Variants in DPP6 observed in about 807,000 individuals in gnomAD.
DPP6 encodes A-type potassium channel modulatory protein DPP6.
A neutral mutation model predicts 122.6 loss-of-function variants in DPP6; 69 were observed. The ratio of observed to expected loss-of-function variants is 0.56; its 90% CI spans 0.46 to 0.69. DPP6 has a LOEUF of 0.69. Among genes scored for constraint, DPP6 ranks in the 30% least tolerant of loss-of-function variants. The pLI is 0.00. For synonymous variants in DPP6, 418 were observed against 433.1 expected, an observed-to-expected ratio of 0.97 and a Z score of 0.43; for missense variants, 928 against 1,116.9, an observed-to-expected ratio of 0.83 and a Z score of 2.41.
intron 1 of DPP6, chr7:154,026,525 C>A (rs1158655851): frequency 2.0e-5 from 3 of 152,130 alleles, no homozygotes; most frequent in Non-Finnish European, 1.5e-5. Flanking sequence ...TAGCTCAAGC[C>A]TGGGCCTGGA....
intron 1 of DPP6, among the ~76,000 whole-genome samples, chr7:153,928,217 CT>C (rs562514728): frequency 0.03 from 4,206 of 141,120 alleles, 183 homozygotes; most frequent in African/African-American, 0.098. Context: ...TTCTTTTTTT[CT>C]TTTTTTTTTT....
At chr7:153,897,841 G>T (rs12672305) in intron 1 of DPP6, among the ~76,000 whole-genome samples, 1 of 151,998 alleles carries the variant, frequency 6.6e-6, no homozygotes, top group Non-Finnish European at 1.5e-5. Flanking sequence ...CACCAGCAGT[G>T]CACAAGTGTT....
rs528414842 is a variant in DPP6, at chr7:154,374,565, G to GT, written c.244-71639dup. Among the ~76,000 whole-genome samples the GT allele has an allele frequency of 6.4e-3, 940 of 147,188 alleles. 9 individuals are homozygous for GT. The highest frequency in any genetic ancestry group is 0.021 in the African/African-American group (836 of 40,344). The stretch of plus-strand genomic sequence containing the variant: ...TTGAGAGAATGGGCTGACATTATAG[G>GT]TTTTTTTTTTCTTTTCTGTTTATTT... On this transcript the variant is annotated intron_variant, in intron 1 of 25. Coordinates refer to ENST00000377770, the MANE Select transcript of DPP6 (RefSeq NM_130797.4).
chr7:154,892,440 T>A lies in DPP6; in HGVS notation c.2558T>A (p.Leu853Gln), dbSNP rs747902821. The A allele has an allele frequency of 6.2e-7, 1 of 1,614,022 alleles. No individual in the cohort carries two copies. Among genetic ancestry groups the A allele is most frequent in the South Asian group, 1.1e-5 (1 of 91,086 alleles). ...GAATGCTTCAGGATCCAGGACAAAC[T>A]GCTGACAGTCACAGCGAAAGAGGAC... ...FVECFRIQDK[L>Q]LTVTAKEDEE... The change falls in exon 26 of 26, where the codon CTG (leucine) becomes CAG (glutamine). Residue 853 changes from leucine to glutamine, a missense_variant. Leu to Gln is a moderately radical substitution (Grantham distance 113). Transcript: ENST00000377770.
intron 14 of DPP6, among the ~76,000 whole-genome samples, 199 bp downstream of exon 14, chr7:154,804,154 G>A (rs532461083): frequency 4.6e-5 from 7 of 152,304 alleles, no homozygotes; most frequent in East Asian, 3.9e-4. Flanking sequence ...GAGCTGCGGC[G>A]TCCTGAGGAC....
At chr7:154,427,712 T>G (rs1586238540) in intron 1 of DPP6, among the ~76,000 whole-genome samples, 1 of 152,236 alleles carries the variant, frequency 6.6e-6, no homozygotes, top group East Asian at 1.9e-4. Flanking sequence ...ATGCCTAGTG[T>G]CTTCATTTGC....
At chr7:154,340,480 C>T (rs540525988) in intron 1 of DPP6, among the ~76,000 whole-genome samples, 4 of 152,222 alleles carry the variant, frequency 2.6e-5, no homozygotes, top group South Asian at 4.1e-4. Flanking sequence ...ATTCTCTTCA[C>T]CTTCGCTCAG....
At chr7:154,458,224 A>T (rs1820968824) in intron 2 of DPP6, among the ~76,000 whole-genome samples, 1 of 152,142 alleles carries the variant, frequency 6.6e-6, no homozygotes, top group Admixed American at 6.5e-5. Flanking sequence ...AGGTAATTGA[A>T]TCATGGGGGT....
intron 1 of DPP6, among the ~76,000 whole-genome samples, chr7:153,973,632 CGTGTGTGTGTGT>C (rs773321136): frequency 1.7e-3 from 197 of 113,502 alleles, no homozygotes; most frequent in African/African-American, 4.5e-3. Context: ...CACCATCGCT[CGTGTGTGTGTGT>C]GTGTGTGTGT....
chr7:154,597,909 G>T (rs923025646), intron 5 of DPP6, among the ~76,000 whole-genome samples: 3 of 152,088 alleles, frequency 2.0e-5, no homozygotes, highest in Non-Finnish European at 4.4e-5. Context: ...GTCTGTCTCT[G>T]TGTCCACATT....
At chr7:154,347,583 C>T (rs1234538385) in intron 1 of DPP6, among the ~76,000 whole-genome samples, 2 of 152,190 alleles carry the variant, frequency 1.3e-5, no homozygotes, top group African/African-American at 4.8e-5. Context: ...GGTGTTTAAT[C>T]TGTATACATA....
At chr7:154,424,822 C>A (rs1817757943) in intron 1 of DPP6, among the ~76,000 whole-genome samples, 1 of 152,110 alleles carries the variant, frequency 6.6e-6, no homozygotes, top group Non-Finnish European at 1.5e-5. Flanking sequence ...TAAATGCTTC[C>A]CTGGCTCTTC....
chr7:153,818,823 C>T, the DPP6 span, among the ~76,000 whole-genome samples: 1,326 of 152,098 alleles, frequency 8.7e-3, 8 homozygotes, highest in Non-Finnish European at 0.012. Context: ...GTGATCCCAG[C>T]TCACTGCAAC....
Position 154,889,550 on chromosome 7 carries a change from C to CTTT in DPP6, c.2451+21_2451+22insTTT. On this transcript the variant is annotated intron_variant, in intron 25 of 25. Coordinates refer to ENST00000377770, the MANE Select transcript of DPP6 (RefSeq NM_130797.4). The stretch of plus-strand genomic sequence containing the variant: ...TTACAGGTACAGTACGCATGTTACT[C>CTTT]TGTTTTGAACCTGGAGCAAGACATT... 6.3e-7 allele frequency: 1 copy of CTTT among 1,594,508 alleles called. No homozygotes were observed. The highest frequency in any genetic ancestry group is 1.7e-5 in the Admixed American group (1 of 57,432).
chr7:154,215,953 G>C (rs4612246), intron 1 of DPP6, among the ~76,000 whole-genome samples: 131,673 of 151,966 alleles, frequency 0.87, 57,280 homozygotes, highest in African/African-American at 0.93. Context: ...TACTAGATAC[G>C]TACTGCTTCT....
the DPP6 span, among the ~76,000 whole-genome samples, chr7:153,843,486 C>A: frequency 6.9e-6 from 1 of 145,232 alleles, no homozygotes; most frequent in Non-Finnish European, 1.5e-5. Flanking sequence ...ATAATAGACA[C>A]ACAAGATAGT....
intron 22 of DPP6, 49 bp downstream of exon 22, chr7:154,885,793 C>A: frequency 6.5e-7 from 1 of 1,548,704 alleles, no homozygotes; most frequent in Non-Finnish European, 8.7e-7. Flanking sequence ...CCGCCCCGCC[C>A]CGCCCCCTGC....
chr7:154,841,452 T>G (rs1264109496), intron 16 of DPP6, among the ~76,000 whole-genome samples: 3 of 152,076 alleles, frequency 2.0e-5, no homozygotes, highest in African/African-American at 7.2e-5. Flanking sequence ...GTAAAACACC[T>G]GAAAACGTCA....
chr7:154,000,919 C>T (rs917636073), intron 1 of DPP6, among the ~76,000 whole-genome samples: 11 of 152,232 alleles, frequency 7.2e-5, no homozygotes, highest in Middle Eastern at 3.4e-3. Flanking sequence ...ATCTGCCGCC[C>T]GGGCCCAGAC....
Sources: allele counts gnomAD v4.1 joint callset (sites outside exome capture counted in the v4.1 genomes callset), GRCh38; gene constraint gnomAD v4.1.1; transcripts MANE v1.5; gene names NCBI Gene and HGNC (gene_info 2026-07-23, HGNC 2026-07-21).